The following GYPC variants were observed in gnomAD, a reference collection of about 807,000 sequenced individuals.
GYPC encodes glycophorin-C.
GYPC carries 14 observed loss-of-function variants against 12.6 expected under a neutral mutation model. The ratio of observed to expected loss-of-function variants is 1.11; its 90% confidence interval spans 0.74 to 1.74. GYPC has a LOEUF of 1.74. Ranked by LOEUF, GYPC falls within the 40% of genes most tolerant of loss-of-function variation. The pLI is 0.00. For synonymous variants in GYPC, 78 were observed against 62.1 expected, an observed-to-expected ratio of 1.26 and a Z score of -1.20; for missense variants, 225 against 172.1, an observed-to-expected ratio of 1.31 and a Z score of -1.72.
intron 1 of GYPC, among the ~76,000 whole-genome samples, chr2:126,677,955 C>G (rs1683052264): frequency 6.6e-6 from 1 of 152,264 alleles, no homozygotes; most frequent in Non-Finnish European, 1.5e-5. Context: ...GGTGCAGCGG[C>G]TCACGCCTGT....
rs778693685 is a variant in GYPC at position 126,693,869 on chromosome 2, G to C, written c.112G>C (p.Asp38His). 1.2e-6 allele frequency: 2 copies of C among 1,604,774 alleles called. No homozygotes were observed. Among genetic ancestry groups the C allele is most frequent in the Non-Finnish European group, 1.7e-6 (2 of 1,171,380 alleles). ...TTCTTGTCCTCTGTTCACAGAGCCT[G>C]ATCCAGGGATGTCTGGATGGCCGGA... Reference protein sequence around the residue: ...TMHTTTIAEPDPGMSGWPDGR... With the variant: ...TMHTTTIAEPHPGMSGWPDGR... The change falls in exon 3 of 4, where the codon GAT becomes CAT. Residue 38 changes from aspartate to histidine, a missense_variant. Asp to His is a moderately conservative substitution (Grantham distance 81, BLOSUM62 -1). Coordinates refer to ENST00000259254, the MANE Select transcript of GYPC (RefSeq NM_002101.5).
chr2:126,675,748 A>G (rs1682978905), intron 1 of GYPC: 1 of 905,656 alleles, frequency 1.1e-6, no homozygotes, highest in South Asian at 5.1e-5. Context: ...TCACCCAAGC[A>G]GGTGAGTAAT....
At chr2:126,678,484 G>A (rs142187192) in intron 1 of GYPC, 7 of 152,244 alleles carry the variant, frequency 4.6e-5, no homozygotes, top group African/African-American at 1.7e-4. Context: ...GGCTCATACA[G>A]AGCCAGTGTG....
intron 1 of GYPC, among the ~76,000 whole-genome samples, chr2:126,682,553 T>G (rs1020488905): frequency 6.6e-6 from 1 of 152,130 alleles, no homozygotes. Context: ...ATCTCCCGCT[T>G]CTCCCCTCAG....
chr2:126,693,889 G>T lies in GYPC; in HGVS notation c.132G>T (p.Trp44Cys). 6.2e-7 allele frequency: 1 copy of T among 1,612,108 alleles called. No individual in the cohort carries two copies. Among genetic ancestry groups the T allele is most frequent in the Non-Finnish European group, 8.5e-7 (1 of 1,178,196 alleles). The change falls in exon 3 of 4, where the codon TGG (tryptophan) becomes TGT (cysteine). Residue 44 changes from tryptophan (W) to cysteine (C), a missense_variant. Trp to Cys is a radical substitution (Grantham distance 215). Coordinates refer to ENST00000259254, the MANE Select transcript of GYPC (RefSeq NM_002101.5). ...AGCCTGATCCAGGGATGTCTGGATG[G>T]CCGGATGGCAGAATGGAGACCTCCA... ...IAEPDPGMSG[W>C]PDGRMETSTP...
In GYPC at chr2:126,695,972, C is replaced by G; in HGVS notation, c.217C>G (p.Leu73Val). 1 of 1,614,122 alleles carries G rather than the reference C, an allele frequency of 6.2e-7. No individual in the cohort carries two copies. The highest frequency in any genetic ancestry group is 8.5e-7 in the Non-Finnish European group (1 of 1,179,990). Reference protein sequence around the residue: ...AGVIAAVAIVLVSLLFVMLRY... With the variant: ...AGVIAAVAIVVVSLLFVMLRY... The stretch of plus-strand genomic sequence containing the variant: ...TGTGATTGCTGCTGTGGCCATCGTC[C>G]TAGTCTCCCTCCTCTTCGTCATGCT... Residue 73 changes from leucine to valine, a missense_variant, in exon 4 of 4, where the codon CTA becomes GTA. Physicochemically the swap from Leu to Val is conservative, Grantham distance 32. Transcript: ENST00000259254.
At position 126,656,292 on chromosome 2, in the gene GYPC, C is replaced by T. The variant is rs1682349381; in HGVS notation, c.29C>T (p.Thr10Met). MWSTRSPNSTAWPLSLEPDP... is the reference protein window; with the variant it reads MWSTRSPNSMAWPLSLEPDP... ...TGGTCGACGAGAAGCCCCAACAGCA[C>T]GGCGTGGCCTCTCAGCCTCGGTGAG... The change falls in exon 1 of 4, where the codon ACG (threonine) becomes ATG (methionine). Residue 10 changes from threonine (T) to methionine (M), a missense_variant. Physicochemically the swap from Thr to Met is moderately conservative, Grantham distance 81. Coordinates refer to ENST00000259254, the MANE Select transcript of GYPC (RefSeq NM_002101.5). 2 of 1,600,210 alleles carry T rather than the reference C, an allele frequency of 1.2e-6. No individual in the cohort carries two copies. The highest frequency in any genetic ancestry group is 1.7e-6 in the Non-Finnish European group (2 of 1,174,946).
intron 1 of GYPC, among the ~76,000 whole-genome samples, chr2:126,676,289 C>T (rs1007540094): frequency 1.3e-5 from 2 of 152,196 alleles, no homozygotes; most frequent in Non-Finnish European, 2.9e-5. Flanking sequence ...TTCAAACTTG[C>T]TTTTGAAGTG....
chr2:126,689,622 G>A (rs1683396993), intron 1 of GYPC, among the ~76,000 whole-genome samples: 1 of 151,400 alleles, frequency 6.6e-6, no homozygotes, highest in South Asian at 2.1e-4. Context: ...CTGGAGAGCA[G>A]GTTGTTATAA....
chr2:126,666,454 T>C (rs1682681045), intron 1 of GYPC, among the ~76,000 whole-genome samples: 1 of 152,134 alleles, frequency 6.6e-6, no homozygotes, highest in Non-Finnish European at 1.5e-5. Context: ...GACATACTAG[T>C]CTCCCTCTTT....
At chr2:126,677,223 A>G (rs1055098800) in intron 1 of GYPC, among the ~76,000 whole-genome samples, 1 of 151,500 alleles carries the variant, frequency 6.6e-6, no homozygotes, top group African/African-American at 2.4e-5. Flanking sequence ...CTGTGTGTGC[A>G]TATGTGGGAG....
intron 1 of GYPC, among the ~76,000 whole-genome samples, chr2:126,684,590 C>G (rs1683235128): frequency 6.6e-6 from 1 of 152,218 alleles, no homozygotes; most frequent in Non-Finnish European, 1.5e-5. Context: ...TGGGTTCCAA[C>G]AGAGAGCAAC....
chr2:126,677,355 G>A (rs964921634), intron 1 of GYPC, among the ~76,000 whole-genome samples: 10 of 149,964 alleles, frequency 6.7e-5, no homozygotes, highest in African/African-American at 2.2e-4. Flanking sequence ...ATGTGTGTGT[G>A]AGTGTGAGAG....
intron 1 of GYPC, among the ~76,000 whole-genome samples, chr2:126,673,148 C>T (rs1682898834): frequency 1.3e-5 from 2 of 152,078 alleles, no homozygotes; most frequent in Non-Finnish European, 2.9e-5. Flanking sequence ...AGCCCTCCAA[C>T]CCAAGCACAA....
intron 1 of GYPC, among the ~76,000 whole-genome samples, chr2:126,671,018 G>A (rs1382118968): frequency 6.6e-6 from 1 of 152,158 alleles, no homozygotes; most frequent in East Asian, 1.9e-4. Flanking sequence ...TTCTAGGCCT[G>A]GGCCCACCTG....
intron 2 of GYPC, among the ~76,000 whole-genome samples, chr2:126,692,706 G>GA (rs1337128655): frequency 6.6e-6 from 1 of 152,034 alleles, no homozygotes; most frequent in Non-Finnish European, 1.5e-5. Flanking sequence ...ATTAAGCTGT[G>GA]AAAAAACACA....
At chr2:126,673,589 C>T (rs1161472577) in intron 1 of GYPC, among the ~76,000 whole-genome samples, 3 of 152,198 alleles carry the variant, frequency 2.0e-5, no homozygotes, top group Non-Finnish European at 4.4e-5. Flanking sequence ...TAAAGCCACA[C>T]CAATAGCAAA....
intron 1 of GYPC, chr2:126,686,364 C>A: frequency 8.1e-6 from 8 of 985,768 alleles, no homozygotes; most frequent in Non-Finnish European, 8.4e-6. Context: ...TGCCCCGCTG[C>A]CTCCAGGGGT....
At chr2:126,669,555 G>A (rs1001373408) in intron 1 of GYPC, among the ~76,000 whole-genome samples, 1 of 152,202 alleles carries the variant, frequency 6.6e-6, no homozygotes, top group African/African-American at 2.4e-5. Flanking sequence ...TCAGGCCTTG[G>A]TAATTCGCCC....
Sources: allele counts gnomAD v4.1 joint callset (sites outside exome capture counted in the v4.1 genomes callset), GRCh38; gene constraint gnomAD v4.1.1; transcripts MANE v1.5; gene names NCBI Gene and HGNC (gene_info 2026-07-23, HGNC 2026-07-21).